Variants in NCOA5 observed in about 807,000 individuals in gnomAD.
NCOA5 encodes NCoA-5.
Under a neutral mutation model 59.0 loss-of-function variants are expected in NCOA5, and 12 were observed. That is an observed-to-expected ratio of 0.20 (90% CI 0.13 to 0.33). NCOA5 has a LOEUF of 0.33. Ranked by LOEUF, NCOA5 falls within the 10% of genes least tolerant of loss-of-function variation. NCOA5 has a pLI of 1.00. For missense variants in NCOA5, 655 were observed against 766.6 expected, an observed-to-expected ratio of 0.85 and a Z score of 1.72; for synonymous variants, 270 against 275.5, an observed-to-expected ratio of 0.98 and a Z score of 0.20.
chr20:46,087,486 G>A (rs1446532494), intron 1 of NCOA5, among the ~76,000 whole-genome samples: 1 of 152,190 alleles, frequency 6.6e-6, no homozygotes, highest in Non-Finnish European at 1.5e-5. Flanking sequence ...GGTTGGACGC[G>A]GTGGCTCATG....
intron 2 of NCOA5, among the ~76,000 whole-genome samples, chr20:46,078,703 TAATAAAGCTCTTCTTTGAGAGGAGGG>T: frequency 6.6e-6 from 1 of 150,858 alleles, no homozygotes; most frequent in African/African-American, 2.5e-5. Flanking sequence ...ATGGTATCAT[TAATAAAGCTCTTCTTTGAGAGGAGGG>T]ACCAATTTAA....
chr20:46,083,901 G>C (rs2085019076), intron 1 of NCOA5, among the ~76,000 whole-genome samples: 1 of 152,082 alleles, frequency 6.6e-6, no homozygotes, highest in Admixed American at 6.5e-5. Flanking sequence ...AACAAGTCAG[G>C]GATAAGAGAA....
intron 2 of NCOA5, among the ~76,000 whole-genome samples, chr20:46,073,844 C>A (rs2084909281): frequency 6.6e-6 from 1 of 152,206 alleles, no homozygotes; most frequent in African/African-American, 2.4e-5. Context: ...TGCAAGTTGA[C>A]TAAAACTCTA....
At chr20:46,083,837 G>A (rs547718935) in intron 1 of NCOA5, among the ~76,000 whole-genome samples, 20 of 152,218 alleles carry the variant, frequency 1.3e-4, no homozygotes, top group Non-Finnish European at 2.5e-4. Flanking sequence ...TATTTATGAA[G>A]ACAACTTTGA....
chr20:46,087,047 T>C (rs1379166452), intron 1 of NCOA5, among the ~76,000 whole-genome samples: 1 of 152,214 alleles, frequency 6.6e-6, no homozygotes, highest in East Asian at 1.9e-4. Context: ...TCTAACCTCT[T>C]TGAGTCATCA....
rs775992741 is a variant in NCOA5 at position 46,062,729 on chromosome 20, G to A, written c.1311C>T (p.Ser437=). ...CCGTCACTGTGCCACTATTGAAGAGGCTGAGGATTTTGGCCTGAAGCTCTT... is the reference window on the plus strand; with the variant it reads ...CCGTCACTGTGCCACTATTGAAGAGACTGAGGATTTTGGCCTGAAGCTCTT... The part of the protein sequence containing the change: ...SQQELQAKIL[S]LFNSGTVTAN... Residue 437 remains serine (S), a synonymous_variant, in exon 8 of 8, where the codon AGC becomes AGT. Transcript: ENST00000290231. The A allele has an allele frequency of 1.2e-6, 2 of 1,613,582 alleles. No homozygotes were observed.
intron 2 of NCOA5, among the ~76,000 whole-genome samples, chr20:46,071,600 A>G (rs1347518808): frequency 6.6e-6 from 1 of 152,188 alleles, no homozygotes; most frequent in African/African-American, 2.4e-5. Context: ...TCTATGTTAG[A>G]AAGCCTAATA....
At chr20:46,080,873 T>C (rs2084985267) in intron 1 of NCOA5, among the ~76,000 whole-genome samples, 1 of 152,148 alleles carries the variant, frequency 6.6e-6, no homozygotes, top group Non-Finnish European at 1.5e-5. Flanking sequence ...GCTTTGCTAC[T>C]GCATGCAGTA....
At chr20:46,087,129 G>C (rs2085053616) in intron 1 of NCOA5, among the ~76,000 whole-genome samples, 1 of 152,166 alleles carries the variant, frequency 6.6e-6, no homozygotes, top group Admixed American at 6.5e-5. Context: ...CAATGATTTA[G>C]TATTTACCAT....
At chr20:46,077,334 T>C (rs1378982432) in intron 2 of NCOA5, among the ~76,000 whole-genome samples, 1 of 152,226 alleles carries the variant, frequency 6.6e-6, no homozygotes, top group African/African-American at 2.4e-5. Flanking sequence ...AATTTAATGC[T>C]CTGGCAACGG....
Position 46,062,818 on chromosome 20 carries a change from G to A in NCOA5, c.1222C>T (p.Leu408Phe). The change falls in exon 8 of 8, where the codon CTC becomes TTC. Residue 408 changes from leucine to phenylalanine, a missense_variant. Leu to Phe is a conservative substitution (Grantham distance 22, BLOSUM62 0). Around this residue, in one of 3 missense-constraint regions of NCOA5, gnomAD observed 325 missense variants for 353.2 expected, o/e 0.92. Coordinates refer to ENST00000290231, the MANE Select transcript of NCOA5 (RefSeq NM_020967.3). ...GAGGGGAGCACTTGGCCGCTCTGGA[G>A]CGGTTGGGAGCTTGGCTGTGTCTTC... ...SLKTQPSSQPLQSGQVLPSAT... is the reference protein window; with the variant it reads ...SLKTQPSSQPFQSGQVLPSAT... 6.5e-7 allele frequency: 1 copy of A among 1,549,082 alleles called. No individual in the cohort carries two copies. Among genetic ancestry groups the A allele is most frequent in the Non-Finnish European group, 8.7e-7 (1 of 1,147,350 alleles).
intron 1 of NCOA5, among the ~76,000 whole-genome samples, chr20:46,087,703 C>G (rs1204266536): frequency 1.3e-5 from 2 of 152,182 alleles, no homozygotes; most frequent in Non-Finnish European, 2.9e-5. Context: ...GATCGCACCA[C>G]TGCACTCCAG....
rs765142324 is a variant in NCOA5 at position 46,062,280 on chromosome 20, G to GA, written c.*19dup. The GA allele has an allele frequency of 1.1e-5, 18 of 1,592,186 alleles. No individual in the cohort carries two copies. The highest frequency in any genetic ancestry group is 2.7e-5 in the African/African-American group (2 of 74,312). ...GAGGCCAGGGGATGAGGGGACTGGG[G>GA]AGAGTTGAAAGATTTAGCTTCAGTA... On this transcript the variant is annotated 3_prime_UTR_variant, in exon 8 of 8. Coordinates refer to ENST00000290231, the MANE Select transcript of NCOA5 (RefSeq NM_020967.3).
intron 1 of NCOA5, among the ~76,000 whole-genome samples, chr20:46,079,821 A>C (rs2084972805): frequency 6.6e-6 from 1 of 152,220 alleles, no homozygotes; most frequent in African/African-American, 2.4e-5. Context: ...TGAGGAAGAA[A>C]GTGGGGGGGA....
At position 46,062,763 on chromosome 20, in the gene NCOA5, G is replaced by A. The variant is rs765618863; in HGVS notation, c.1277C>T (p.Thr426Ile). Residue 426 changes from threonine to isoleucine, a missense_variant, in exon 8 of 8, where the codon ACC (threonine) becomes ATC (isoleucine). Thr to Ile is a moderately conservative substitution (Grantham distance 89, BLOSUM62 -1). Transcript: ENST00000290231. ...SATPTPSAPP[T>I]SQQELQAKIL... is the part of the protein sequence containing the mutation. ...TTTGGCCTGAAGCTCTTGCTGGGAG[G>A]TGGGGGGTGCAGATGGAGTGGGTGT... 2 of 1,607,162 alleles carry A rather than the reference G, an allele frequency of 1.2e-6. No homozygotes were observed. Among genetic ancestry groups the A allele is most frequent in the South Asian group, 2.2e-5 (2 of 89,754 alleles).
In NCOA5 at chr20:46,070,204, A is replaced by T. The variant is rs1485153731; in HGVS notation, c.365+6T>A. On this transcript the variant is annotated splice_donor_region_variant and intron_variant, in intron 3 of 7. Transcript: ENST00000290231. ...GAAAAAACAAGCAGAGTAACTACGT[A>T]TGTACCTGTACATAGGATCTCGGGA... 1 of 1,608,920 alleles carries T rather than the reference A, an allele frequency of 6.2e-7. No homozygotes were observed.
chr20:46,089,542 A>G (rs2145561241), intron 1 of NCOA5, among the ~76,000 whole-genome samples: 1 of 152,246 alleles, frequency 6.6e-6, no homozygotes, highest in Non-Finnish European at 1.5e-5. Context: ...TCGTGCACAG[A>G]CAGGCGGCTG....
chr20:46,073,504 G>C (rs2084906295), intron 2 of NCOA5, among the ~76,000 whole-genome samples: 1 of 152,152 alleles, frequency 6.6e-6, no homozygotes, highest in Non-Finnish European at 1.5e-5. Flanking sequence ...AGCATGTAAT[G>C]TGGGCAAACA....
At chr20:46,065,872 A>G (rs562065019) in intron 5 of NCOA5, among the ~76,000 whole-genome samples, 48 of 152,366 alleles carry the variant, frequency 3.2e-4, no homozygotes, top group Middle Eastern at 6.8e-3. Context: ...CACCATACGT[A>G]TAAAAGATTT....
Sources: allele counts gnomAD v4.1 joint callset (sites outside exome capture counted in the v4.1 genomes callset), GRCh38; gene constraint gnomAD v4.1.1; regional missense constraint gnomAD v4.1.1; transcripts MANE v1.5; gene names NCBI Gene and HGNC (gene_info 2026-07-23, HGNC 2026-07-21).